Variants in CMIP observed in about 807,000 individuals in gnomAD.
The protein encoded by CMIP is c-Maf inducing protein, also known as C-Maf-inducing protein.
A neutral mutation model predicts 97.3 loss-of-function variants in CMIP; 13 were observed. That is an observed-to-expected ratio of 0.13 (90% CI 0.09 to 0.21). The LOEUF is 0.21. Among genes scored for constraint, CMIP ranks in the 10% least tolerant of loss-of-function variants. The pLI is 1.00. For missense variants in CMIP, 847 were observed against 1,024.9 expected (o/e 0.83, Z 2.37); for synonymous variants, 538 against 436.3 (o/e 1.23, Z -2.91).
rs78503098 is a variant in CMIP, at chr16:81,607,891, G to A, written c.426+199G>A. ...GAAAAGGACTGTGCATGGCCTGAGC[G>A]TCTCCTGCACACCTGCTGCAGTCTA... On this transcript the variant is annotated intron_variant, in intron 2 of 20. Coordinates refer to ENST00000537098, the MANE Select transcript of CMIP (RefSeq NM_198390.3). Among the ~76,000 whole-genome samples the A allele has an allele frequency of 2.7e-3, 411 of 152,310 alleles. 2 individuals carry two copies. The highest frequency in any genetic ancestry group is 9.6e-3 in the African/African-American group (397 of 41,548).
intron 1 of CMIP, among the ~76,000 whole-genome samples, chr16:81,588,950 G>A (rs1278037118): frequency 6.6e-6 from 1 of 152,114 alleles, no homozygotes; most frequent in African/African-American, 2.4e-5. Flanking sequence ...CCTGTAAGAG[G>A]CAGAGCTGAG....
intron 1 of CMIP, among the ~76,000 whole-genome samples, chr16:81,577,979 T>TATCACC (rs201136603): frequency 6.7e-6 from 1 of 148,718 alleles, no homozygotes; most frequent in East Asian, 2.0e-4. Flanking sequence ...TTATTATCAC[T>TATCACC]ATCACCATCA....
intron 1 of CMIP, among the ~76,000 whole-genome samples, chr16:81,485,742 C>G (rs2089304249): frequency 6.6e-6 from 1 of 152,218 alleles, no homozygotes; most frequent in Non-Finnish European, 1.5e-5. Context: ...TACAATTTTT[C>G]ATAGACAGGG....
chr16:81,529,847 G>A (rs2090198533), intron 1 of CMIP, among the ~76,000 whole-genome samples: 1 of 152,212 alleles, frequency 6.6e-6, no homozygotes, highest in South Asian at 2.1e-4. Context: ...AGCCAGCCCT[G>A]CCCACACCTT....
intron 1 of CMIP, among the ~76,000 whole-genome samples, chr16:81,566,664 G>A (rs1202587313): frequency 2.0e-5 from 3 of 152,202 alleles, no homozygotes; most frequent in Non-Finnish European, 4.4e-5. Flanking sequence ...GTTCCCAAGA[G>A]AACTGAGTGC....
At chr16:81,549,614 A>G (rs2090614482) in intron 1 of CMIP, among the ~76,000 whole-genome samples, 1 of 152,156 alleles carries the variant, frequency 6.6e-6, no homozygotes, top group Admixed American at 6.5e-5. Flanking sequence ...GGCGGGGCTG[A>G]GACCTCCTCT....
chr16:81,514,062 C>G (rs970474728), intron 1 of CMIP, among the ~76,000 whole-genome samples: 12 of 152,240 alleles, frequency 7.9e-5, no homozygotes, highest in African/African-American at 2.6e-4. Flanking sequence ...AAAAACGCCG[C>G]CAGCTTTGTT....
At position 81,551,260 on chromosome 16, in the gene CMIP, A is replaced by C. The variant is rs2090653031; in HGVS notation, c.301-56307A>C. Among the ~76,000 whole-genome samples, 2 of 152,026 alleles carry C rather than the reference A, an allele frequency of 1.3e-5. 1 individual carries two copies. The highest frequency in any genetic ancestry group is 4.1e-4 in the South Asian group (2 of 4,822). On this transcript the variant is annotated intron_variant, in intron 1 of 20. Coordinates refer to ENST00000537098, the MANE Select transcript of CMIP (RefSeq NM_198390.3). The stretch of plus-strand genomic sequence containing the variant: ...CAGTTTCATCACACACCCCAGTTCC[A>C]TCACACACACCCAGAGGGTTCTGAG...
chr16:81,459,051 T>C lies in CMIP; in HGVS notation c.300+13510T>C, dbSNP rs1030752391. Reference sequence around the variant, plus strand: ...GTCACCATCACCATCACCATCACCATCACCATCACTGTCACCGTCACCGTC... The same window carrying C: ...GTCACCATCACCATCACCATCACCACCACCATCACTGTCACCGTCACCGTC... On this transcript the variant is annotated intron_variant, in intron 1 of 20. Coordinates refer to ENST00000537098, the MANE Select transcript of CMIP (RefSeq NM_198390.3). Among the ~76,000 whole-genome samples, 54 of 143,990 alleles carry C rather than the reference T, an allele frequency of 3.8e-4. 1 individual carries two copies. The highest frequency in any genetic ancestry group is 3.6e-3 in the Middle Eastern group (1 of 278). The allele number at this position is 143,990 out of a possible 152,430, so 94.5% of individuals were successfully genotyped here.
rs1339511056 is a variant in CMIP at position 81,655,943 on chromosome 16, G to T, written c.640-1832G>T. Reference sequence around the variant, plus strand: ...TTACACAGTGCCTGAGGCATAGAGAGCTCAGCAGTCATAAGGAGAGACCAA... The same window carrying T: ...TTACACAGTGCCTGAGGCATAGAGATCTCAGCAGTCATAAGGAGAGACCAA... On this transcript the variant is annotated intron_variant, in intron 4 of 20. Coordinates refer to ENST00000537098, the MANE Select transcript of CMIP (RefSeq NM_198390.3). This position sits in a 1 kb window ranked among gnomAD's most constrained non-coding sequence, Gnocchi z 4.9. Among the ~76,000 whole-genome samples, 3 of 152,164 alleles carry T rather than the reference G, an allele frequency of 2.0e-5. No homozygotes were observed. Among genetic ancestry groups the T allele is most frequent in the South Asian group, 4.1e-4 (2 of 4,832 alleles).
At chr16:81,502,355 G>C (rs2089628735) in intron 1 of CMIP, among the ~76,000 whole-genome samples, 1 of 152,146 alleles carries the variant, frequency 6.6e-6, no homozygotes, top group Non-Finnish European at 1.5e-5. Flanking sequence ...AGATTACATG[G>C]TCAACTTATG....
At chr16:81,699,183 G>A (rs1277177076) in intron 14 of CMIP, among the ~76,000 whole-genome samples, 4 of 152,124 alleles carry the variant, frequency 2.6e-5, no homozygotes, top group African/African-American at 4.8e-5. Flanking sequence ...GAACCCAAGC[G>A]GCAGAGGTTG....
chr16:81,648,262 C>A (rs1483841688), intron 3 of CMIP, among the ~76,000 whole-genome samples: 1 of 151,808 alleles, frequency 6.6e-6, no homozygotes, highest in Non-Finnish European at 1.5e-5. Context: ...CTGAATTGTC[C>A]CTTTCTAGCT....
At chr16:81,475,176 C>T (rs889311862) in intron 1 of CMIP, among the ~76,000 whole-genome samples, 1 of 152,136 alleles carries the variant, frequency 6.6e-6, no homozygotes, top group Non-Finnish European at 1.5e-5. Flanking sequence ...GTCTCTTTCT[C>T]TCTCTGTCTC....
intron 1 of CMIP, among the ~76,000 whole-genome samples, chr16:81,507,651 G>C (rs112137466): frequency 7.2e-5 from 11 of 152,306 alleles, no homozygotes; most frequent in Non-Finnish European, 1.5e-4. Context: ...TTTAATTCAG[G>C]AGTCATTGGA....
chr16:81,654,346 A>G (rs576670230), intron 4 of CMIP, among the ~76,000 whole-genome samples: 2 of 152,306 alleles, frequency 1.3e-5, no homozygotes, highest in Admixed American at 1.3e-4. Flanking sequence ...TGCTGGGATT[A>G]TAGGCATGAG....
At chr16:81,689,080 C>T (rs1905757346) in intron 10 of CMIP, among the ~76,000 whole-genome samples, 1 of 152,130 alleles carries the variant, frequency 6.6e-6, no homozygotes, top group Admixed American at 6.5e-5. Flanking sequence ...TGGTTGGTTC[C>T]AAGTCTTTGC....
At chr16:81,459,839 G>A (rs1353885666) in intron 1 of CMIP, among the ~76,000 whole-genome samples, 1 of 152,208 alleles carries the variant, frequency 6.6e-6, no homozygotes, top group East Asian at 1.9e-4. Flanking sequence ...GCTTCTTTGG[G>A]GAATTGTCTT....
At chr16:81,634,746 A>G (rs2092212765) in intron 3 of CMIP, among the ~76,000 whole-genome samples, 3 of 152,258 alleles carry the variant, frequency 2.0e-5, no homozygotes, top group South Asian at 2.1e-4. Flanking sequence ...CAGGATTCTC[A>G]TAAGTTAAAG....
Sources: gnomAD v4.1 joint callset for allele counts (sites outside exome capture counted in the v4.1 genomes callset) on GRCh38, gnomAD v4.1.1 for gene constraint, Gnocchi (gnomAD v3.1) non-coding constraint, MANE v1.5 for transcripts, NCBI Gene and HGNC (gene_info 2026-07-23, HGNC 2026-07-21) for gene names.